The following TFAP2A variants were observed in gnomAD, a reference collection of about 807,000 sequenced individuals.
TFAP2A encodes the protein transcription factor AP-2 alpha.
In TFAP2A, 7 loss-of-function variants were observed where a neutral mutation model predicts 41.5. The observed-to-expected ratio is 0.17, with a 90% CI of 0.10 to 0.32. The LOEUF (loss-of-function observed/expected upper bound fraction) is 0.32, where lower values mean the gene tolerates loss of function less well. Ranked by LOEUF, TFAP2A falls within the 10% of genes least tolerant of loss-of-function variation. The pLI is 1.00. For synonymous variants in TFAP2A, 247 were observed against 242.8 expected (o/e 1.02, Z -0.16); for missense variants, 416 against 563.3 (o/e 0.74, Z 2.65).
intron 6 of TFAP2A, among the ~76,000 whole-genome samples, chr6:10,399,645 G>C (rs2114000900): frequency 6.6e-6 from 1 of 152,348 alleles, no homozygotes; most frequent in East Asian, 1.9e-4. Flanking sequence ...CCCCAGGCCA[G>C]AAACAGGGTC....
At chr6:10,415,125 AAGG>A (rs1561718272), upstream of TFAP2A, 29 of 1,557,332 alleles carry the variant, frequency 1.9e-5, no homozygotes, top group Non-Finnish European at 2.5e-5. Context: ...GGAGGAGGAG[AAGG>A]AGGAGGGAGA....
chr6:10,415,232 TCC>T, upstream of TFAP2A: 2 of 1,454,922 alleles, frequency 1.4e-6, no homozygotes, highest in South Asian at 2.8e-5. Flanking sequence ...GGGAAAGAGC[TCC>T]CGTGTGCGCT....
intron 1 of TFAP2A, chr6:10,411,589 A>G: frequency 1.2e-6 from 2 of 1,614,022 alleles, no homozygotes; most frequent in Non-Finnish European, 1.7e-6. Flanking sequence ...AAAACTGTGA[A>G]CTAACATCTG....
At position 10,398,296 on chromosome 6, in the gene TFAP2A, G is replaced by GGCAGCAGCA. The variant is rs1264691695; in HGVS notation, c.*112_*120dup. 7.0e-6 allele frequency: 11 copies of GGCAGCAGCA among 1,576,950 alleles called. No homozygotes were observed. The African/African-American group carries it at 8.1e-5, about 12-fold the overall frequency. The stretch of plus-strand genomic sequence containing the variant: ...CAAGGGCAGCGGCGGCGGCGGCGGC[G>GGCAGCAGCA]GCAGCAGCAGCAGCAGTAGCAGCAG... On this transcript the variant is annotated 3_prime_UTR_variant, in exon 7 of 7. Transcript: ENST00000379613. This position sits in a 1 kb window ranked among gnomAD's most constrained non-coding sequence, Gnocchi z 5.3.
At chr6:10,403,424 G>A (rs1271134559) in intron 4 of TFAP2A, among the ~76,000 whole-genome samples, 3 of 152,186 alleles carry the variant, frequency 2.0e-5, no homozygotes, top group South Asian at 4.1e-4. Context: ...AGACTACAAA[G>A]GGAAAGCAAA....
intron 4 of TFAP2A, among the ~76,000 whole-genome samples, chr6:10,403,258 A>C (rs1757503143): frequency 6.6e-6 from 1 of 152,254 alleles, no homozygotes; most frequent in Admixed American, 6.5e-5. Flanking sequence ...TTTAAATAAA[A>C]CAGCAAATTA....
intron 2 of TFAP2A, chr6:10,407,209 G>A: frequency 3.5e-6 from 1 of 287,698 alleles, no homozygotes; most frequent in Non-Finnish European, 6.7e-6. Context: ...AGCGGCTTCT[G>A]ACTTTAGCAA....
chr6:10,408,388 T>C (rs1465241926), intron 2 of TFAP2A, among the ~76,000 whole-genome samples: 1 of 152,216 alleles, frequency 6.6e-6, no homozygotes, highest in Non-Finnish European at 1.5e-5. Context: ...CTTGAAATTT[T>C]TGCAAAGTAG....
intron 3 of TFAP2A, 61 bp from the exon 4 acceptor site, chr6:10,404,800 GACCCCGGCCCTC>G (rs767853436): frequency 1.4e-5 from 21 of 1,493,286 alleles, no homozygotes; most frequent in Middle Eastern, 1.8e-4. Context: ...AATCCTGCCC[GACCCCGGCCCTC>G]ATCCCGGCCA....
At chr6:10,409,805 A>C (rs1004176087) in intron 2 of TFAP2A, 96 bp downstream of exon 2, 1 of 1,419,022 alleles carries the variant, frequency 7.0e-7, no homozygotes, top group African/African-American at 1.4e-5. Flanking sequence ...TACTAGGGAG[A>C]ACCCGGGCCC....
At chr6:10,400,915 C>A in intron 5 of TFAP2A, 1 of 499,414 alleles carries the variant, frequency 2.0e-6, no homozygotes, top group African/African-American at 1.9e-5. Context: ...AACTTCACAC[C>A]TATCAACACA....
Position 10,398,855 on chromosome 6 carries a change from G to T in TFAP2A, c.1032-150C>A. On this transcript the variant is annotated intron_variant, in intron 6 of 6. Transcript: ENST00000379613. The surrounding 1 kb of genome is among the most constrained non-coding windows in gnomAD (Gnocchi z 5.3). ...CAAGACCCCAGAGACAGACAGTGTG[G>T]CCACATGTTGGGAGATCCAGCCACC... is the stretch of plus-strand genomic sequence containing the variant. 1 of 876,716 alleles carries T rather than the reference G, an allele frequency of 1.1e-6. No homozygotes were observed. The highest frequency in any genetic ancestry group is 1.7e-6 in the Non-Finnish European group (1 of 582,296). The allele number at this position is 876,716 out of a possible 1,614,324, so 54.3% of individuals were successfully genotyped here. A position where few individuals can be genotyped will look rare whatever the true frequency, so the allele number is the denominator to read the frequency against.
upstream of TFAP2A, chr6:10,419,563 A>G (rs1304770169): frequency 8.1e-6 from 11 of 1,351,022 alleles, no homozygotes; most frequent in East Asian, 2.1e-4. Flanking sequence ...CTGCTCACCA[A>G]CATCTCACCT....
chr6:10,411,665 C>T (rs1757976766), intron 1 of TFAP2A: 4 of 1,609,922 alleles, frequency 2.5e-6, no homozygotes, highest in Non-Finnish European at 3.4e-6. Flanking sequence ...CCGGCTGCCC[C>T]GCCGCCCGAG....
chr6:10,399,270 C>A (rs931227153), intron 6 of TFAP2A, among the ~76,000 whole-genome samples: 1 of 152,104 alleles, frequency 6.6e-6, no homozygotes, highest in Non-Finnish European at 1.5e-5. Flanking sequence ...CTTTAAAAAA[C>A]AAGAATAACA....
intron 2 of TFAP2A, among the ~76,000 whole-genome samples, chr6:10,408,670 C>G (rs2113197732): frequency 6.6e-6 from 1 of 152,342 alleles, no homozygotes; most frequent in Admixed American, 6.5e-5. Flanking sequence ...TATACTGGAT[C>G]AAGTGCCCAC....
At chr6:10,400,697 G>T in intron 5 of TFAP2A, 108 bp from the exon 6 acceptor site, 1 of 1,301,558 alleles carries the variant, frequency 7.7e-7, no homozygotes. Flanking sequence ...GATGTTGCAG[G>T]AAACACAAAC....
chr6:10,402,243 G>C (rs1185516066), intron 5 of TFAP2A: 1 of 583,108 alleles, frequency 1.7e-6, no homozygotes, highest in African/African-American at 1.8e-5. Flanking sequence ...CTTGTGCGTT[G>C]TTTAGCTCAG....
chr6:10,411,508 G>A, intron 1 of TFAP2A: 1 of 1,604,474 alleles, frequency 6.2e-7, no homozygotes, highest in Non-Finnish European at 8.5e-7. Context: ...CAGCTCCACG[G>A]CACCAGGTTT....
Sources: gnomAD v4.1 joint callset for allele counts (sites outside exome capture counted in the v4.1 genomes callset) on GRCh38, gnomAD v4.1.1 for gene constraint, Gnocchi (gnomAD v3.1) non-coding constraint, MANE v1.5 for transcripts, NCBI Gene and HGNC (gene_info 2026-07-23, HGNC 2026-07-21) for gene names.